Variants in BMAL1 observed in about 807,000 individuals in gnomAD.
BMAL1 encodes basic helix-loop-helix ARNT-like protein 1.
the BMAL1 span, among the ~76,000 whole-genome samples, chr11:13,357,378 G>T: frequency 6.6e-6 from 1 of 152,254 alleles, no homozygotes. The surrounding 1 kb of genome is among the most constrained non-coding windows in gnomAD (Gnocchi z 4.8). Flanking sequence ...CCAGTCTTCA[G>T]CAGAGAACGT....
chr11:13,306,830 G>T, the BMAL1 span, among the ~76,000 whole-genome samples: 2 of 152,366 alleles, frequency 1.3e-5, no homozygotes, highest in East Asian at 3.9e-4. Flanking sequence ...AGTTGATGCT[G>T]CCAGCGGTCC....
At chr11:13,383,767 C>G in the BMAL1 span, among the ~76,000 whole-genome samples, 9 of 152,244 alleles carry the variant, frequency 5.9e-5, no homozygotes, top group African/African-American at 2.2e-4. Context: ...GGGAGAATCA[C>G]CTGAGCCCAG....
the BMAL1 span, among the ~76,000 whole-genome samples, chr11:13,297,955 C>T: frequency 4.6e-5 from 7 of 152,310 alleles, no homozygotes; most frequent in East Asian, 1.9e-4. Flanking sequence ...ATCCTGTGAC[C>T]GAGGGTCAGA....
the BMAL1 span, chr11:13,375,851 C>G: frequency 7.8e-7 from 1 of 1,279,132 alleles, no homozygotes; most frequent in Non-Finnish European, 1.0e-6. Context: ...AGGCAACATC[C>G]AGTATCACAT....
the BMAL1 span, among the ~76,000 whole-genome samples, chr11:13,286,619 A>C: frequency 4.6e-5 from 7 of 152,320 alleles, no homozygotes; most frequent in African/African-American, 1.7e-4. Flanking sequence ...CTCAGCAATG[A>C]GGAACTCAAG....
At chr11:13,286,596 G>A in the BMAL1 span, among the ~76,000 whole-genome samples, 1 of 152,196 alleles carries the variant, frequency 6.6e-6, no homozygotes, top group African/African-American at 2.4e-5. Flanking sequence ...TCTTCTTGAA[G>A]AAGTATATGG....
At chr11:13,327,029 C>T in the BMAL1 span, among the ~76,000 whole-genome samples, 1 of 151,846 alleles carries the variant, frequency 6.6e-6, no homozygotes, top group Non-Finnish European at 1.5e-5. Flanking sequence ...ACCGTGTTAG[C>T]CAGGATGGTC....
the BMAL1 span, among the ~76,000 whole-genome samples, chr11:13,310,775 T>G: frequency 4.6e-5 from 7 of 152,226 alleles, no homozygotes; most frequent in South Asian, 1.5e-3. Context: ...CTAAGGCACA[T>G]AGACTTTATC....
chr11:13,362,707 C>T, the BMAL1 span, among the ~76,000 whole-genome samples: 1 of 152,152 alleles, frequency 6.6e-6, no homozygotes, highest in Non-Finnish European at 1.5e-5. Flanking sequence ...TCCGTGTTCT[C>T]AGAGAGGATT....
At chr11:13,284,110 G>GTGTGTA in the BMAL1 span, among the ~76,000 whole-genome samples, 81 of 48,488 alleles carry the variant, frequency 1.7e-3, 9 homozygotes, top group East Asian at 0.011. Context: ...GTGTGTGTGT[G>GTGTGTA]TATATATATG....
At chr11:13,312,002 G>A in the BMAL1 span, among the ~76,000 whole-genome samples, 4 of 152,168 alleles carry the variant, frequency 2.6e-5, no homozygotes, top group Admixed American at 2.6e-4. Context: ...ATCAATTTGT[G>A]CTCTGAGTAT....
chr11:13,301,979 T>C, the BMAL1 span, among the ~76,000 whole-genome samples: 27 of 152,210 alleles, frequency 1.8e-4, no homozygotes, highest in South Asian at 5.6e-3. Context: ...TGTCTCTGAT[T>C]TGGGGAAAGA....
the BMAL1 span, among the ~76,000 whole-genome samples, chr11:13,375,084 C>G: frequency 6.6e-6 from 1 of 152,224 alleles, no homozygotes; most frequent in African/African-American, 2.4e-5. Context: ...CCTGTATAGC[C>G]TTCCCTCACT....
chr11:13,369,704 T>A, the BMAL1 span: 4 of 1,614,002 alleles, frequency 2.5e-6, no homozygotes, highest in Admixed American at 6.7e-5. Flanking sequence ...TAGGATGAAG[T>A]GTAACAGGCC....
the BMAL1 span, among the ~76,000 whole-genome samples, chr11:13,290,679 G>C: frequency 6.6e-6 from 1 of 151,940 alleles, no homozygotes; most frequent in South Asian, 2.1e-4. Context: ...AGTCTTCACA[G>C]TATTCATATA....
At chr11:13,298,918 T>A in the BMAL1 span, among the ~76,000 whole-genome samples, 1 of 152,232 alleles carries the variant, frequency 6.6e-6, no homozygotes, top group African/African-American at 2.4e-5. Context: ...TCACACTTTT[T>A]CCTGTTCCAA....
chr11:13,344,462 T>C, the BMAL1 span, among the ~76,000 whole-genome samples: 2 of 152,210 alleles, frequency 1.3e-5, no homozygotes, highest in African/African-American at 4.8e-5. Context: ...CATGTACTTA[T>C]TAAAACACTC....
chr11:13,309,836 G>C, the BMAL1 span: 2 of 152,622 alleles, frequency 1.3e-5, no homozygotes, highest in African/African-American at 4.8e-5. Flanking sequence ...ACACTGGGGA[G>C]GCTTACAGGG....
At chr11:13,375,704 T>G in the BMAL1 span, 1 of 1,604,966 alleles carries the variant, frequency 6.2e-7, no homozygotes, top group Non-Finnish European at 8.5e-7. Context: ...ATGGTTCAGT[T>G]TCATGAACCC....
Sources: allele counts gnomAD v4.1 joint callset (sites outside exome capture counted in the v4.1 genomes callset), GRCh38; gene constraint gnomAD v4.1.1; non-coding constraint Gnocchi (gnomAD v3.1); transcripts MANE v1.5; gene names NCBI Gene and HGNC (gene_info 2026-07-23, HGNC 2026-07-21).